ZC3H8: variants seen among roughly 807,000 people sequenced by gnomAD.
ZC3H8 encodes the protein zinc finger CCCH-type containing 8.
A neutral mutation model predicts 42.5 loss-of-function variants in ZC3H8; 27 were observed. The observed-to-expected ratio is 0.64, with a 90% CI of 0.47 to 0.88. ZC3H8 has a LOEUF of 0.88. ZC3H8 is among the 40% of genes least tolerant of loss of function. ZC3H8 has a pLI of 0.00. For missense variants in ZC3H8, 277 were observed against 336.1 expected (o/e 0.82, Z 1.37); for synonymous variants, 101 against 110.1 (o/e 0.92, Z 0.52).
chr2:112,219,909 A>G (rs1001904242), intron 8 of ZC3H8, among the ~76,000 whole-genome samples: 1 of 152,190 alleles, frequency 6.6e-6, no homozygotes, highest in East Asian at 1.9e-4. Context: ...AAGTCACTTC[A>G]TAGGTCTTTA....
intron 8 of ZC3H8, among the ~76,000 whole-genome samples, chr2:112,228,523 G>C (rs1031402639): frequency 2.0e-5 from 3 of 150,944 alleles, no homozygotes; most frequent in African/African-American, 7.3e-5. Flanking sequence ...AAAAGTGCTG[G>C]GACAATTGGA....
intron 8 of ZC3H8, among the ~76,000 whole-genome samples, chr2:112,221,969 G>A (rs1197295063): frequency 2.6e-5 from 4 of 152,104 alleles, no homozygotes; most frequent in African/African-American, 9.7e-5. Flanking sequence ...TTCTTATGCT[G>A]GTTCTTTCTC....
At chr2:112,218,725 C>G (rs1684443638) in intron 8 of ZC3H8, among the ~76,000 whole-genome samples, 1 of 152,084 alleles carries the variant, frequency 6.6e-6, no homozygotes, top group African/African-American at 2.4e-5. Flanking sequence ...TGTTTATGTT[C>G]TTGGTAAGGC....
chr2:112,252,995 G>T (rs942578130), intron 1 of ZC3H8, among the ~76,000 whole-genome samples: 9 of 152,020 alleles, frequency 5.9e-5, no homozygotes, highest in Non-Finnish European at 8.8e-5. Context: ...TACGTCGGGC[G>T]TGGTGGCAGG....
intron 4 of ZC3H8, 95 bp downstream of exon 4, chr2:112,236,467 C>G: frequency 6.6e-7 from 1 of 1,511,972 alleles, no homozygotes; most frequent in South Asian, 1.3e-5. Context: ...GCTTCCACCT[C>G]TCCATATCAC....
rs760850868 is a variant in ZC3H8, at chr2:112,230,909, A to G, written c.*9T>C. 7.8e-7 allele frequency: 1 copy of G among 1,288,744 alleles called. No individual in the cohort carries two copies. The highest frequency in any genetic ancestry group is 1.0e-6 in the Non-Finnish European group (1 of 985,498). 79.8% of individuals were successfully genotyped at this position (1,288,744 alleles called of 1,614,324 possible). ...TGGTAAATTCTAATTTTACCTTTTTATGTCTATTTTATTTACATGACTTCT... is the reference window on the plus strand; with the variant it reads ...TGGTAAATTCTAATTTTACCTTTTTGTGTCTATTTTATTTACATGACTTCT... On this transcript the variant is annotated 3_prime_UTR_variant, in exon 8 of 9. Transcript: ENST00000409573.
At chr2:112,238,232 A>G (rs1685429329) in intron 3 of ZC3H8, 83 bp downstream of exon 3, 1 of 1,376,144 alleles carries the variant, frequency 7.3e-7, no homozygotes, top group African/African-American at 1.4e-5. Context: ...ATAAAGTGCA[A>G]AGAAAAATCC....
At chr2:112,239,853 A>G (rs7591379) in intron 2 of ZC3H8, among the ~76,000 whole-genome samples, 113,753 of 152,114 alleles carry the variant, frequency 0.75, 43,947 homozygotes, top group African/African-American at 0.94. Context: ...CCAAAGTGCT[A>G]GGATTACAGC....
intron 2 of ZC3H8, among the ~76,000 whole-genome samples, chr2:112,246,601 G>A (rs1041965763): frequency 3.9e-5 from 6 of 152,196 alleles, no homozygotes; most frequent in Admixed American, 3.9e-4. Flanking sequence ...ATTAGAAGTG[G>A]AGAATGAAGA....
intron 8 of ZC3H8, among the ~76,000 whole-genome samples, chr2:112,216,745 GA>G (rs1684344090): frequency 6.9e-6 from 1 of 145,028 alleles, no homozygotes; most frequent in Non-Finnish European, 1.5e-5. Context: ...TGGCAAACAA[GA>G]AAAAAATTAT....
rs1684213501 is a variant in ZC3H8 at position 112,213,599 on chromosome 2, AC to A, written c.*2884del. On this transcript the variant is annotated 3_prime_UTR_variant, in exon 9 of 9. Transcript: ENST00000409573. ...AGACCATCTTGGCTAATACAGTGAAACCCAGTCTCTACTAAAAATACAAAAA... is the reference window on the plus strand; with the variant it reads ...AGACCATCTTGGCTAATACAGTGAAACCAGTCTCTACTAAAAATACAAAAA... 6.6e-6 allele frequency: 1 copy of A among 151,056 alleles called. No homozygotes were observed. Among genetic ancestry groups the A allele is most frequent in the South Asian group, 2.1e-4 (1 of 4,738 alleles). 9.4% of individuals were successfully genotyped at this position (151,056 alleles called of 1,614,324 possible). A position where few individuals can be genotyped will look rare whatever the true frequency, so the allele number is the denominator to read the frequency against.
intron 1 of ZC3H8, among the ~76,000 whole-genome samples, chr2:112,252,051 C>G (rs183327196): frequency 1.3e-5 from 2 of 152,184 alleles, no homozygotes; most frequent in African/African-American, 4.8e-5. Flanking sequence ...ATATTCTCAT[C>G]TATATTCTCA....
At chr2:112,247,429 G>C (rs796489212) in intron 2 of ZC3H8, among the ~76,000 whole-genome samples, 1 of 152,072 alleles carries the variant, frequency 6.6e-6, no homozygotes, top group South Asian at 2.1e-4. Flanking sequence ...ACAAAAATTA[G>C]CCAGGCAAGG....
chr2:112,236,974 T>C (rs916194774), intron 3 of ZC3H8, among the ~76,000 whole-genome samples: 2 of 152,152 alleles, frequency 1.3e-5, no homozygotes, highest in African/African-American at 2.4e-5. Flanking sequence ...GGCAGGAGGA[T>C]TGCTTGAGCC....
chr2:112,236,137 G>A (rs1301547662), intron 4 of ZC3H8, among the ~76,000 whole-genome samples: 5 of 151,916 alleles, frequency 3.3e-5, no homozygotes, highest in South Asian at 2.1e-4. Context: ...GGTGGCGGGC[G>A]CCTGTAGTCC....
intron 2 of ZC3H8, among the ~76,000 whole-genome samples, chr2:112,239,523 CA>C (rs1685491041): frequency 7.1e-6 from 1 of 140,354 alleles, no homozygotes; most frequent in Admixed American, 7.1e-5. Flanking sequence ...AGACAAAAAA[CA>C]AAACAGAAGA....
chr2:112,237,645 G>A (rs996567646), intron 3 of ZC3H8, among the ~76,000 whole-genome samples: 2 of 150,504 alleles, frequency 1.3e-5, no homozygotes, highest in Non-Finnish European at 1.5e-5. Context: ...GTGTGATCTC[G>A]GCTCACTGCA....
chr2:112,238,444 T>G lies in ZC3H8; in HGVS notation c.241A>C (p.Ile81Leu). 6.2e-7 allele frequency: 1 copy of G among 1,613,578 alleles called. No homozygotes were observed. Among genetic ancestry groups the G allele is most frequent in the Non-Finnish European group, 8.5e-7 (1 of 1,179,874 alleles). ...KDYDVYSDND[I>L]CSQESEDNFA... is the part of the protein sequence containing the mutation. ...TTATCTTCTGATTCCTGACTGCAGA[T>G]ATCATTATCACTATATACATCATAG... The change falls in exon 3 of 9, where the codon ATC becomes CTC. Residue 81 changes from isoleucine (I) to leucine (L), a missense_variant. Transcript: ENST00000409573.
At chr2:112,228,620 G>A (rs1684954132) in intron 8 of ZC3H8, among the ~76,000 whole-genome samples, 1 of 151,918 alleles carries the variant, frequency 6.6e-6, no homozygotes, top group Non-Finnish European at 1.5e-5. Flanking sequence ...AAACACAAGA[G>A]CTAAAACTAG....
Sources: allele counts gnomAD v4.1 joint callset (sites outside exome capture counted in the v4.1 genomes callset), GRCh38; gene constraint gnomAD v4.1.1; transcripts MANE v1.5; gene names NCBI Gene and HGNC (gene_info 2026-07-23, HGNC 2026-07-21).